NAV3: variants seen among roughly 807,000 people sequenced by gnomAD.
The protein encoded by NAV3 is pore membrane and/or filament interacting like protein 1.
In NAV3, 87 loss-of-function variants were observed where a neutral mutation model predicts 244.7. That is an observed-to-expected ratio of 0.36 (90% CI 0.30 to 0.42). The LOEUF is 0.42. NAV3 is among the 20% of genes least tolerant of loss of function. The pLI, the probability that NAV3 is intolerant of heterozygous loss-of-function variation, is 1.00. For synonymous variants in NAV3, 1,126 were observed against 1,042.2 expected (o/e 1.08, Z -1.55); for missense variants, 2,663 against 2,893.3 (o/e 0.92, Z 1.83).
chr12:77,664,724 AT>A (rs1215347250), intron 2 of NAV3, among the ~76,000 whole-genome samples: 4 of 152,154 alleles, frequency 2.6e-5, no homozygotes, highest in Non-Finnish European at 5.9e-5. Context: ...ACTTTGATTT[AT>A]TTATATTTGT....
chr12:77,664,556 A>T (rs982723958), intron 2 of NAV3, among the ~76,000 whole-genome samples: 13 of 152,312 alleles, frequency 8.5e-5, no homozygotes, highest in African/African-American at 2.6e-4. Context: ...ATATTATTTT[A>T]ATAGTACTCT....
At chr12:78,111,425 A>T (rs1230226772) in intron 12 of NAV3, among the ~76,000 whole-genome samples, 1 of 152,162 alleles carries the variant, frequency 6.6e-6, no homozygotes, top group Non-Finnish European at 1.5e-5. Context: ...AATAATATTA[A>T]GACAACCCAA....
At chr12:77,786,128 T>TA (rs1022793347) in intron 2 of NAV3, among the ~76,000 whole-genome samples, 1 of 152,116 alleles carries the variant, frequency 6.6e-6, no homozygotes, top group Non-Finnish European at 1.5e-5. Context: ...TAGCGCCTCT[T>TA]AAAAAAATCC....
intron 2 of NAV3, among the ~76,000 whole-genome samples, chr12:77,779,305 G>C (rs1018939395): frequency 3.3e-5 from 5 of 152,070 alleles, no homozygotes; most frequent in African/African-American, 4.8e-5. Context: ...CATCTCAAAG[G>C]GTGTAAAACC....
chr12:77,913,535 C>G (rs146480531), intron 1 of NAV3, among the ~76,000 whole-genome samples: 92 of 152,112 alleles, frequency 6.0e-4, no homozygotes, highest in African/African-American at 2.0e-3. Flanking sequence ...AGGCATTACT[C>G]TAAGAGTTGC....
intron 12 of NAV3, among the ~76,000 whole-genome samples, chr12:78,094,531 T>G (rs1207597559): frequency 6.6e-6 from 1 of 152,210 alleles, no homozygotes; most frequent in Non-Finnish European, 1.5e-5. Flanking sequence ...ATGCTAAGAC[T>G]GTCATGTCAA....
At chr12:78,031,129 T>G (rs1878908947) in intron 9 of NAV3, among the ~76,000 whole-genome samples, 1 of 152,168 alleles carries the variant, frequency 6.6e-6, no homozygotes, top group Admixed American at 6.5e-5. Flanking sequence ...GATGCAGGCT[T>G]TATAAATTTG....
chr12:78,194,137 A>T (rs1321413284), intron 34 of NAV3, among the ~76,000 whole-genome samples: 2 of 152,090 alleles, frequency 1.3e-5, no homozygotes, highest in Admixed American at 6.6e-5. Flanking sequence ...ACTATCAGCC[A>T]TGCCCATTCT....
At chr12:77,630,670 T>C (rs1157373877) in intron 2 of NAV3, among the ~76,000 whole-genome samples, 5 of 152,316 alleles carry the variant, frequency 3.3e-5, no homozygotes, top group Non-Finnish European at 5.9e-5. Context: ...GGCGGTATTT[T>C]CCTATTACCT....
intron 12 of NAV3, among the ~76,000 whole-genome samples, chr12:78,059,767 A>G (rs562105616): frequency 1.8e-4 from 28 of 152,290 alleles, no homozygotes; most frequent in Admixed American, 1.4e-3. Context: ...TGTTAGAAAG[A>G]AACTCTGGTT....
intron 12 of NAV3, among the ~76,000 whole-genome samples, chr12:78,092,067 A>G (rs944514771): frequency 2.6e-5 from 4 of 152,194 alleles, no homozygotes; most frequent in Non-Finnish European, 4.4e-5. Context: ...AGCACTGAGG[A>G]CACAGTCGTG....
chr12:78,203,840 C>CTT (rs11457084), intron 38 of NAV3, among the ~76,000 whole-genome samples: 3,124 of 142,530 alleles, frequency 0.022, 39 homozygotes, highest in Non-Finnish European at 0.03. Flanking sequence ...TAATATTATA[C>CTT]TTTTTTTTTT....
intron 1 of NAV3, among the ~76,000 whole-genome samples, chr12:77,906,527 A>C (rs1885995612): frequency 6.6e-6 from 1 of 152,120 alleles, no homozygotes; most frequent in South Asian, 2.1e-4. Flanking sequence ...AGTAAAGAAA[A>C]AAAAATATTG....
chr12:77,984,031 A>G (rs1052074125), intron 5 of NAV3, among the ~76,000 whole-genome samples: 3 of 152,196 alleles, frequency 2.0e-5, no homozygotes, highest in Non-Finnish European at 4.4e-5. Flanking sequence ...GTTGAGATTT[A>G]TGTTTTGAAA....
intron 1 of NAV3, among the ~76,000 whole-genome samples, chr12:77,851,404 G>A (rs1215019799): frequency 3.3e-5 from 5 of 152,140 alleles, no homozygotes; most frequent in Non-Finnish European, 7.3e-5. Flanking sequence ...GGTTAATAGT[G>A]CCACTGTATG....
chr12:78,000,435 T>C (rs1197399964), intron 7 of NAV3, among the ~76,000 whole-genome samples: 1 of 152,074 alleles, frequency 6.6e-6, no homozygotes, highest in Non-Finnish European at 1.5e-5. Context: ...TGTCATGCTG[T>C]ATTTCCAAAA....
At chr12:78,065,695 G>A (rs897413540) in intron 12 of NAV3, among the ~76,000 whole-genome samples, 2 of 152,096 alleles carry the variant, frequency 1.3e-5, no homozygotes, top group African/African-American at 4.8e-5. Flanking sequence ...AGCATGCTAG[G>A]TTATGAAAAG....
intron 2 of NAV3, among the ~76,000 whole-genome samples, chr12:77,609,805 A>T (rs575512155): frequency 1.3e-5 from 2 of 152,168 alleles, no homozygotes; most frequent in Non-Finnish European, 2.9e-5. Flanking sequence ...TCAAGGTCTC[A>T]GGAGCTCTCT....
intron 11 of NAV3, chr12:78,056,314 C>A (rs1197156051): frequency 2.6e-5 from 4 of 152,110 alleles, no homozygotes; most frequent in Non-Finnish European, 5.9e-5. Flanking sequence ...CCCTTGTTGG[C>A]TTACGTAGGA....
Sources: allele counts gnomAD v4.1 joint callset (sites outside exome capture counted in the v4.1 genomes callset), GRCh38; gene constraint gnomAD v4.1.1; transcripts MANE v1.5; gene names NCBI Gene and HGNC (gene_info 2026-07-23, HGNC 2026-07-21).